ADGRL2: variants seen among roughly 807,000 people sequenced by gnomAD.
The protein encoded by ADGRL2 is calcium-independent alpha-latrotoxin receptor 2.
Under a neutral mutation model 157.4 loss-of-function variants are expected in ADGRL2, and 44 were observed. The observed-to-expected ratio is 0.28, with a 90% CI of 0.22 to 0.36. The LOEUF (loss-of-function observed/expected upper bound fraction) is 0.36. Ranked by LOEUF, ADGRL2 falls within the 10% of genes least tolerant of loss-of-function variation. The probability of loss-of-function intolerance (pLI) is 1.00; values close to 1 mark genes in which losing one functional copy is unlikely to be tolerated. For missense variants in ADGRL2, 1,510 were observed against 1,768.9 expected, an observed-to-expected ratio of 0.85 and a Z score of 2.63; for synonymous variants, 585 against 624.7, an observed-to-expected ratio of 0.94 and a Z score of 0.95.
intron 2 of ADGRL2, among the ~76,000 whole-genome samples, chr1:81,456,817 G>C (rs1051934515): frequency 1.3e-5 from 2 of 152,026 alleles, no homozygotes. Flanking sequence ...ATAAGAACTT[G>C]TTATCCCACC....
At chr1:81,481,830 C>A (rs182995581) in intron 2 of ADGRL2, among the ~76,000 whole-genome samples, 1 of 152,298 alleles carries the variant, frequency 6.6e-6, no homozygotes, top group East Asian at 1.9e-4. Flanking sequence ...TCCTTAACTT[C>A]ACCTCTCCTT....
intron 2 of ADGRL2, among the ~76,000 whole-genome samples, chr1:81,446,678 C>A (rs10874243): frequency 0.96 from 145,982 of 152,292 alleles, 70,260 homozygotes; most frequent in East Asian, 1. Flanking sequence ...ACCTGGGTTC[C>A]ATTCAAAATT....
chr1:81,406,913 A>G (rs1179674288), intron 1 of ADGRL2, among the ~76,000 whole-genome samples: 2 of 152,190 alleles, frequency 1.3e-5, no homozygotes, highest in Non-Finnish European at 1.5e-5. Flanking sequence ...AATAAGCTCA[A>G]TCAGCCTTCT....
At chr1:81,585,859 C>T (rs2081015122) in intron 3 of ADGRL2, 1 of 151,904 alleles carries the variant, frequency 6.6e-6, no homozygotes. Context: ...ATAATAAATG[C>T]ACACAACACA....
chr1:81,985,410 C>T, intron 21 of ADGRL2, 55 bp downstream of exon 21: 1 of 915,314 alleles, frequency 1.1e-6, no homozygotes, highest in Non-Finnish European at 1.7e-6. Context: ...CATATAAGTT[C>T]CTTTTATTCA....
intron 2 of ADGRL2, among the ~76,000 whole-genome samples, chr1:81,480,542 T>C (rs935045302): frequency 2.0e-5 from 3 of 152,062 alleles, no homozygotes; most frequent in Non-Finnish European, 2.9e-5. Flanking sequence ...TTTCTCTGTA[T>C]AAGAAAGATG....
At chr1:81,510,738 A>ATTTC (rs2079060900) in intron 2 of ADGRL2, among the ~76,000 whole-genome samples, 1 of 152,230 alleles carries the variant, frequency 6.6e-6, no homozygotes. Context: ...TGTAGAAAGA[A>ATTTC]TGAAAAAGAC....
chr1:81,777,150 G>A (rs960606078), intron 2 of ADGRL2, among the ~76,000 whole-genome samples: 2 of 152,110 alleles, frequency 1.3e-5, no homozygotes, highest in Non-Finnish European at 2.9e-5. Context: ...TATATCTTCT[G>A]TAAAATAATA....
chr1:81,958,837 T>A (rs937625956), intron 11 of ADGRL2, among the ~76,000 whole-genome samples: 3 of 152,184 alleles, frequency 2.0e-5, no homozygotes, highest in Non-Finnish European at 2.9e-5. Flanking sequence ...TTTTCGTCCA[T>A]GTAGATTAGT....
intron 1 of ADGRL2, among the ~76,000 whole-genome samples, chr1:81,819,480 TA>T (rs564668821): frequency 6.6e-6 from 1 of 151,996 alleles, no homozygotes; most frequent in African/African-American, 2.4e-5. Context: ...GTGGTATTTG[TA>T]AAAAAAATAT....
intron 2 of ADGRL2, among the ~76,000 whole-genome samples, chr1:81,478,474 G>A (rs780034973): frequency 1.1e-4 from 17 of 152,178 alleles, no homozygotes; most frequent in Non-Finnish European, 1.6e-4. Context: ...GGAGCTTATC[G>A]AGACATGTGG....
chr1:81,788,891 T>C (rs2087189157), intron 2 of ADGRL2, among the ~76,000 whole-genome samples: 1 of 152,150 alleles, frequency 6.6e-6, no homozygotes, highest in Non-Finnish European at 1.5e-5. Flanking sequence ...AATTTTCTTG[T>C]ATTTTTAGTA....
chr1:81,796,314 T>G (rs748409267), upstream of ADGRL2, among the ~76,000 whole-genome samples: 3 of 152,188 alleles, frequency 2.0e-5, no homozygotes, highest in African/African-American at 7.2e-5. Context: ...AACCACGTAC[T>G]GTTAATGAGA....
chr1:81,986,226 C>G lies in ADGRL2; in HGVS notation c.3509-675C>G, dbSNP rs567237778. Among the ~76,000 whole-genome samples, 8 of 152,210 alleles carry G rather than the reference C, an allele frequency of 5.3e-5. No homozygotes were observed. The South Asian group carries it at 1.4e-3, about 28-fold the overall frequency. On this transcript the variant is annotated intron_variant, in intron 21 of 23. Transcript: ENST00000686636. ...TGTTGCTTTGGTATTTTACTTCATT[C>G]TGTTGGCGATCAAAAAGTAAATGCA... is the stretch of plus-strand genomic sequence containing the variant.
At chr1:81,330,852 G>A (rs1661223456) in intron 1 of ADGRL2, among the ~76,000 whole-genome samples, 1 of 152,198 alleles carries the variant, frequency 6.6e-6, no homozygotes, top group African/African-American at 2.4e-5. Context: ...AGGTGCATTT[G>A]AGAAAATATG....
At chr1:81,626,939 T>TG (rs2081923005) in intron 3 of ADGRL2, among the ~76,000 whole-genome samples, 1 of 152,074 alleles carries the variant, frequency 6.6e-6, no homozygotes, top group African/African-American at 2.4e-5. Context: ...GGAGGGTAGG[T>TG]GGGGACAGCT....
intron 1 of ADGRL2, chr1:81,426,983 G>T: frequency 1.2e-6 from 1 of 852,038 alleles, no homozygotes; most frequent in Non-Finnish European, 2.0e-6. Flanking sequence ...TGATGATCAC[G>T]ATACAGTTGA....
At chr1:81,969,990 G>C (rs1342330189) in intron 15 of ADGRL2, among the ~76,000 whole-genome samples, 1 of 128,328 alleles carries the variant, frequency 7.8e-6, no homozygotes, top group Non-Finnish European at 1.6e-5. Flanking sequence ...GGAATATTTA[G>C]ATTTCATAAC....
At chr1:81,971,740 A>G in intron 16 of ADGRL2, 112 bp from the exon 17 acceptor site, 2 of 587,472 alleles carry the variant, frequency 3.4e-6, no homozygotes, top group Non-Finnish European at 6.1e-6. Context: ...ATGAATCTTC[A>G]AAGGCAAATG....
Sources: gnomAD v4.1 joint callset for allele counts (sites outside exome capture counted in the v4.1 genomes callset) on GRCh38, gnomAD v4.1.1 for gene constraint, MANE v1.5 for transcripts, NCBI Gene and HGNC (gene_info 2026-07-23, HGNC 2026-07-21) for gene names.